The following DOCK3 variants were observed in gnomAD, a reference collection of about 807,000 sequenced individuals.
DOCK3 encodes the protein dedicator of cytokinesis protein 3.
DOCK3 carries 60 observed loss-of-function variants against 265.6 expected under a neutral mutation model. The ratio of observed to expected loss-of-function variants is 0.23; its 90% CI spans 0.18 to 0.28. The LOEUF (loss-of-function observed/expected upper bound fraction) is 0.28. DOCK3 is among the 10% of genes least tolerant of loss of function. The probability of loss-of-function intolerance (pLI) is 1.00; values close to 1 mark genes in which losing one functional copy is unlikely to be tolerated. For synonymous variants in DOCK3, 881 were observed against 938.0 expected (o/e 0.94, Z 1.11); for missense variants, 1,981 against 2,594.3 (o/e 0.76, Z 5.14).
At chr3:51,282,605 A>T (rs2081185885) in intron 27 of DOCK3, among the ~76,000 whole-genome samples, 1 of 150,010 alleles carries the variant, frequency 6.7e-6, no homozygotes, top group Non-Finnish European at 1.5e-5. Flanking sequence ...GTGAGCCAAG[A>T]TTGCGCCATT....
At chr3:51,173,400 G>C (rs2086786743) in intron 12 of DOCK3, among the ~76,000 whole-genome samples, 1 of 152,198 alleles carries the variant, frequency 6.6e-6, no homozygotes, top group Non-Finnish European at 1.5e-5. Context: ...TAGGATTACA[G>C]GCATAAGCCA....
chr3:50,997,333 G>A (rs576115327), intron 5 of DOCK3, among the ~76,000 whole-genome samples: 44 of 152,186 alleles, frequency 2.9e-4, no homozygotes, highest in African/African-American at 1.0e-3. Context: ...AGCAGTATAT[G>A]TGAGGAAAAA....
intron 35 of DOCK3, among the ~76,000 whole-genome samples, chr3:51,337,068 G>A (rs1196585685): frequency 1.3e-5 from 2 of 152,134 alleles, no homozygotes; most frequent in Non-Finnish European, 2.9e-5. Flanking sequence ...GGGATGTTCA[G>A]GACCCTCATG....
intron 23 of DOCK3, among the ~76,000 whole-genome samples, chr3:51,267,541 T>G (rs2080263148): frequency 6.6e-6 from 1 of 151,944 alleles, no homozygotes; most frequent in Non-Finnish European, 1.5e-5. Flanking sequence ...CATGCCACCA[T>G]GTTCAGCTAA....
At chr3:51,028,738 T>A (rs2079920402) in intron 5 of DOCK3, among the ~76,000 whole-genome samples, 1 of 152,218 alleles carries the variant, frequency 6.6e-6, no homozygotes, top group Non-Finnish European at 1.5e-5. Context: ...ATTTTGAAAT[T>A]CCTGTAGTGA....
At position 50,938,901 on chromosome 3, in the gene DOCK3, T is replaced by A. The variant is rs554582114; in HGVS notation, c.315+4824T>A. Among the ~76,000 whole-genome samples the A allele has an allele frequency of 2.0e-3, 300 of 149,324 alleles. 3 individuals carry two copies. Among genetic ancestry groups the A allele is most frequent in the African/African-American group, 7.1e-3 (286 of 40,548 alleles). ...GTGAGACTCTGTAAAAAAAAAATAATAATAATAATCCAAAGCAAGCAGAAT... is the reference window on the plus strand; with the variant it reads ...GTGAGACTCTGTAAAAAAAAAATAAAAATAATAATCCAAAGCAAGCAGAAT... On this transcript the variant is annotated intron_variant, in intron 5 of 52. Coordinates refer to ENST00000266037, the MANE Select transcript of DOCK3 (RefSeq NM_004947.5).
chr3:51,165,525 A>G (rs893963499), intron 12 of DOCK3, among the ~76,000 whole-genome samples: 1 of 152,224 alleles, frequency 6.6e-6, no homozygotes, highest in Non-Finnish European at 1.5e-5. Flanking sequence ...TGCTGTACAT[A>G]AATCTCCAGA....
chr3:51,170,709 C>T (rs1192651067), intron 12 of DOCK3, among the ~76,000 whole-genome samples: 1 of 152,012 alleles, frequency 6.6e-6, no homozygotes, highest in African/African-American at 2.4e-5. Context: ...CTTTGGGAGG[C>T]GAAGGCGGGC....
intron 1 of DOCK3, among the ~76,000 whole-genome samples, chr3:50,778,307 G>A (rs1358321202): frequency 6.6e-6 from 1 of 152,028 alleles, no homozygotes; most frequent in Non-Finnish European, 1.5e-5. Context: ...TTGTTTGCTT[G>A]TGGTAGATAA....
intron 1 of DOCK3, chr3:50,685,720 A>G (rs750596172): frequency 1.1e-4 from 25 of 227,008 alleles, no homozygotes; most frequent in Non-Finnish European, 2.0e-4. Context: ...TGGTTAGAGC[A>G]TGGAAGTTTT....
intron 27 of DOCK3, among the ~76,000 whole-genome samples, chr3:51,288,584 C>T (rs1253896544): frequency 6.6e-6 from 1 of 151,884 alleles, no homozygotes; most frequent in Non-Finnish European, 1.5e-5. Context: ...CACATGTACC[C>T]CTGAACCTAA....
rs1411047570 is a variant in DOCK3, at chr3:51,362,678, AGGATGGCAG to A, written c.5293+7_5293+15del. ...TCTGCCCCTTCCAGTGCCCGAGGTAAGGATGGCAGGGTGCTACTTGCAGAATGGAGAAGA... is the reference window on the plus strand; with the variant it reads ...TCTGCCCCTTCCAGTGCCCGAGGTAAGGTGCTACTTGCAGAATGGAGAAGA... On this transcript the variant is annotated splice_donor_5th_base_variant and intron_variant, in intron 49 of 52. Transcript: ENST00000266037. The A allele has an allele frequency of 8.1e-6, 13 of 1,612,636 alleles. No homozygotes were observed. The highest frequency in any genetic ancestry group is 1.1e-5 in the Non-Finnish European group (13 of 1,179,332).
intron 1 of DOCK3, among the ~76,000 whole-genome samples, chr3:50,685,195 A>G (rs577523264): frequency 2.0e-5 from 3 of 152,274 alleles, no homozygotes; most frequent in African/African-American, 7.2e-5. Flanking sequence ...CAGATATACT[A>G]TCCTTTACTT....
At chr3:50,869,491 C>T (rs538298113) in intron 3 of DOCK3, among the ~76,000 whole-genome samples, 58 of 150,484 alleles carry the variant, frequency 3.9e-4, no homozygotes, top group Non-Finnish European at 7.8e-4. Context: ...CCACCTCAGC[C>T]TCCCGAGTAG....
chr3:51,353,422 G>T (rs1408629534), intron 40 of DOCK3, among the ~76,000 whole-genome samples: 1 of 152,144 alleles, frequency 6.6e-6, no homozygotes, highest in Non-Finnish European at 1.5e-5. Context: ...GACCAGCCTG[G>T]CCAACATGGT....
chr3:50,998,613 C>T (rs1341651917), intron 5 of DOCK3, among the ~76,000 whole-genome samples: 3 of 152,172 alleles, frequency 2.0e-5, no homozygotes, highest in African/African-American at 4.8e-5. Flanking sequence ...TGTAAAAAAT[C>T]ATAGCATCGT....
chr3:51,053,078 GATATATATATATATATAT>G (rs59382660), intron 5 of DOCK3, among the ~76,000 whole-genome samples: 2,690 of 43,852 alleles, frequency 0.061, 255 homozygotes, highest in African/African-American at 0.17. Flanking sequence ...AAAAGTCAAA[GATATATATATATATATAT>G]ATATATATAT....
intron 3 of DOCK3, among the ~76,000 whole-genome samples, chr3:50,883,402 C>G (rs969597377): frequency 6.6e-6 from 1 of 152,026 alleles, no homozygotes; most frequent in Non-Finnish European, 1.5e-5. Context: ...AAATGAATGT[C>G]TATTATATTT....
intron 1 of DOCK3, among the ~76,000 whole-genome samples, chr3:50,691,765 G>A (rs1436653428): frequency 6.6e-6 from 1 of 152,172 alleles, no homozygotes; most frequent in Non-Finnish European, 1.5e-5. Flanking sequence ...AAATAGATGT[G>A]AAGTGGTGTC....
Sources: gnomAD v4.1 joint callset for allele counts (sites outside exome capture counted in the v4.1 genomes callset) on GRCh38, gnomAD v4.1.1 for gene constraint, MANE v1.5 for transcripts, NCBI Gene and HGNC (gene_info 2026-07-23, HGNC 2026-07-21) for gene names.